The following PTK2 variants were observed in gnomAD, a reference collection of about 807,000 sequenced individuals.
PTK2 encodes the protein protein tyrosine kinase 2.
A neutral mutation model predicts 150.1 loss-of-function variants in PTK2; 45 were observed. That is an observed-to-expected ratio of 0.30 (90% CI 0.24 to 0.38). The LOEUF is 0.38. PTK2 is among the 10% of genes least tolerant of loss of function. The pLI is 1.00. For synonymous variants in PTK2, 432 were observed against 449.2 expected (o/e 0.96, Z 0.48); for missense variants, 919 against 1,307.3 (o/e 0.70, Z 4.58).
chr8:141,000,602 C>G (rs2100199784), intron 1 of PTK2, among the ~76,000 whole-genome samples: 1 of 152,040 alleles, frequency 6.6e-6, no homozygotes, highest in African/African-American at 2.4e-5. Context: ...CTGCGCGCCC[C>G]CAGAGCCCCG....
At chr8:140,907,248 T>C (rs2100161293) in intron 2 of PTK2, among the ~76,000 whole-genome samples, 1 of 152,164 alleles carries the variant, frequency 6.6e-6, no homozygotes, top group South Asian at 2.1e-4. Context: ...CTACTATGAG[T>C]GAGTATCCCT....
At chr8:140,758,820 T>G (rs1161698297) in intron 16 of PTK2, among the ~76,000 whole-genome samples, 2 of 152,226 alleles carry the variant, frequency 1.3e-5, no homozygotes, top group Non-Finnish European at 2.9e-5. Flanking sequence ...TCACATTTAC[T>G]CACCCAGAGT....
At chr8:140,697,758 G>C (rs1416884221) in intron 26 of PTK2, among the ~76,000 whole-genome samples, 1 of 146,820 alleles carries the variant, frequency 6.8e-6, no homozygotes, top group African/African-American at 2.5e-5. Flanking sequence ...CTGTTCCTTT[G>C]TATGTCTTGT....
chr8:140,939,986 T>A (rs574102863), intron 1 of PTK2, among the ~76,000 whole-genome samples: 40 of 151,816 alleles, frequency 2.6e-4, no homozygotes, highest in African/African-American at 8.9e-4. Context: ...AAGAACAGAG[T>A]AGAGCACGGG....
At chr8:140,667,063 T>C (rs1240373400) in intron 30 of PTK2, among the ~76,000 whole-genome samples, 1 of 151,840 alleles carries the variant, frequency 6.6e-6, no homozygotes, top group Non-Finnish European at 1.5e-5. Context: ...GTACCTAGGG[T>C]AGTCAATTCA....
rs530786011 is a variant in PTK2, at chr8:140,815,904, A to C, written c.867+2373T>G. 3.5e-3 allele frequency among the ~76,000 whole-genome samples: 537 copies of C among 152,270 alleles called. 5 individuals are homozygous for C. Among genetic ancestry groups the C allele is most frequent in the African/African-American group, 0.012 (519 of 41,570 alleles). ...TAAAGACATGTTATTAAAACTCAAC[A>C]ATAAAAACAATCCCAAATAATGACA... On this transcript the variant is annotated intron_variant, in intron 10 of 31. Transcript: ENST00000522684.
At chr8:140,999,247 T>C (rs1307964933) in intron 1 of PTK2, among the ~76,000 whole-genome samples, 2 of 152,238 alleles carry the variant, frequency 1.3e-5, no homozygotes, top group African/African-American at 4.8e-5. Context: ...CTAATCAGCG[T>C]CTACACTGAA....
intron 1 of PTK2, among the ~76,000 whole-genome samples, chr8:140,997,973 G>A (rs2100198441): frequency 6.6e-6 from 1 of 152,176 alleles, no homozygotes; most frequent in African/African-American, 2.4e-5. Context: ...TTTTAGACAT[G>A]TTACTGCACA....
At chr8:140,740,050 G>A (rs1225379440) in intron 20 of PTK2, among the ~76,000 whole-genome samples, 1 of 152,196 alleles carries the variant, frequency 6.6e-6, no homozygotes, top group Admixed American at 6.5e-5. Context: ...GGATAAGAAG[G>A]ACTTCTCTAG....
intron 23 of PTK2, among the ~76,000 whole-genome samples, chr8:140,714,596 A>C (rs1017423515): frequency 2.0e-5 from 3 of 151,880 alleles, no homozygotes; most frequent in African/African-American, 7.3e-5. Context: ...CAGGAGTTTG[A>C]GACCAGCCTG....
At chr8:140,819,181 A>C (rs2100106672) in intron 8 of PTK2, among the ~76,000 whole-genome samples, 161 bp from the exon 9 acceptor site, 1 of 152,254 alleles carries the variant, frequency 6.6e-6, no homozygotes, top group African/African-American at 2.4e-5. Flanking sequence ...GTATTTATCA[A>C]AGCTTTATTC....
chr8:140,768,285 C>T (rs2100073542), intron 14 of PTK2, among the ~76,000 whole-genome samples: 1 of 152,210 alleles, frequency 6.6e-6, no homozygotes. Context: ...CAAGTGACTA[C>T]CCTTAAGGCT....
rs187123576 is a variant in PTK2 at position 140,910,700 on chromosome 8, T to C, written c.-33+14961A>G. ...TAAATCATCAATCACTGAAAGAACA[T>C]CATGAAATCTTCCCAGCTCTATAGT... On this transcript the variant is annotated intron_variant, in intron 2 of 31. Transcript: ENST00000522684. 2.8e-4 allele frequency among the ~76,000 whole-genome samples: 42 copies of C among 152,266 alleles called. 1 individual carries two copies. In the East Asian group the frequency reaches 7.3e-3, roughly 27 times the overall value.
intron 4 of PTK2, among the ~76,000 whole-genome samples, chr8:140,872,448 T>C (rs1296527194): frequency 6.6e-6 from 1 of 152,214 alleles, no homozygotes; most frequent in African/African-American, 2.4e-5. Context: ...TGATTAAACA[T>C]TTTTGCCTGA....
intron 2 of PTK2, among the ~76,000 whole-genome samples, chr8:140,900,115 A>T (rs59789106): frequency 0.024 from 3,667 of 152,284 alleles, 156 homozygotes; most frequent in African/African-American, 0.085. Context: ...CAATTAGACA[A>T]GAGAAATAAA....
intron 9 of PTK2, 102 bp downstream of exon 9, chr8:140,818,778 G>A: frequency 8.2e-7 from 1 of 1,226,208 alleles, no homozygotes; most frequent in South Asian, 1.5e-5. Flanking sequence ...TGAAAAAAAT[G>A]GGACAAGTTA....
intron 3 of PTK2, among the ~76,000 whole-genome samples, chr8:140,885,501 C>T (rs768223442): frequency 6.6e-6 from 1 of 152,050 alleles, no homozygotes; most frequent in Non-Finnish European, 1.5e-5. Flanking sequence ...AAGTACAAGA[C>T]GATGTCAATA....
intron 9 of PTK2, 138 bp downstream of exon 9, chr8:140,818,741 TG>T: frequency 1.0e-6 from 1 of 991,588 alleles, no homozygotes; most frequent in Non-Finnish European, 1.5e-6. Context: ...ATTTTTCACA[TG>T]GTAAAATGAA....
At chr8:140,687,756 G>A (rs2100020822) in intron 26 of PTK2, among the ~76,000 whole-genome samples, 2 of 152,178 alleles carry the variant, frequency 1.3e-5, no homozygotes, top group African/African-American at 4.8e-5. Context: ...GGGGTCAGTC[G>A]TGGGTGCCAG....
Sources: gnomAD v4.1 joint callset for allele counts (sites outside exome capture counted in the v4.1 genomes callset) on GRCh38, gnomAD v4.1.1 for gene constraint, MANE v1.5 for transcripts, NCBI Gene and HGNC (gene_info 2026-07-23, HGNC 2026-07-21) for gene names.